SPTLC1: variants seen among roughly 807,000 people sequenced by gnomAD.
The protein encoded by SPTLC1 is serine palmitoyltransferase long chain base subunit 1.
A neutral mutation model predicts 68.9 loss-of-function variants in SPTLC1; 55 were observed. The observed-to-expected ratio is 0.80, with a 90% CI of 0.64 to 1.00. The LOEUF (loss-of-function observed/expected upper bound fraction) is 1.00. SPTLC1 is among the 50% of genes least tolerant of loss of function. SPTLC1 has a pLI of 0.00. For missense variants in SPTLC1, 449 were observed against 573.1 expected (o/e 0.78, Z 2.21); for synonymous variants, 197 against 201.6 (o/e 0.98, Z 0.19).
At position 92,032,082 on chromosome 9, in the gene SPTLC1, G is replaced by GAA. The variant is rs1467092335; in HGVS notation, c.*382_*383insTT. 1 of 556,054 alleles carries GAA rather than the reference G, an allele frequency of 1.8e-6. No individual in the cohort carries two copies. Among genetic ancestry groups the GAA allele is most frequent in the Non-Finnish European group, 3.1e-6 (1 of 319,108 alleles). 34.4% of individuals were successfully genotyped at this position (556,054 alleles called of 1,614,324 possible). A position where few individuals can be genotyped will look rare whatever the true frequency, so the allele number is the denominator to read the frequency against. ...TTTCTATGAAATACTAAGGAGTTAA[G>GAA]GAGTGCTTACTGAACCATTACTATT... is the stretch of plus-strand genomic sequence containing the variant. On this transcript the variant is annotated 3_prime_UTR_variant, in exon 15 of 15. Transcript: ENST00000262554.
chr9:92,093,825 A>G (rs1307426293), intron 3 of SPTLC1, among the ~76,000 whole-genome samples: 1 of 152,226 alleles, frequency 6.6e-6, no homozygotes, highest in African/African-American at 2.4e-5. Flanking sequence ...CTGAATTTAG[A>G]AACCGGGAGG....
At position 92,031,963 on chromosome 9, in the gene SPTLC1, AAG is replaced by A. The variant is rs1422717277; in HGVS notation, c.*500_*501del. 1.1e-5 allele frequency: 3 copies of A among 264,034 alleles called. No individual in the cohort carries two copies. The highest frequency in any genetic ancestry group is 2.1e-5 in the Non-Finnish European group (3 of 140,166). 16.4% of individuals were successfully genotyped at this position (264,034 alleles called of 1,614,324 possible). ...AGCCACCATTTAGCTTCACACAACGAAGACTGGAAAATACGTGGTTTATTTAG... is the reference window on the plus strand; with the variant it reads ...AGCCACCATTTAGCTTCACACAACGAACTGGAAAATACGTGGTTTATTTAG... On this transcript the variant is annotated 3_prime_UTR_variant, in exon 15 of 15. Transcript: ENST00000262554.
At chr9:92,074,629 G>T (rs1834613418) in intron 5 of SPTLC1, among the ~76,000 whole-genome samples, 2 of 151,852 alleles carry the variant, frequency 1.3e-5, no homozygotes, top group Non-Finnish European at 1.5e-5. Flanking sequence ...AGACTTTAAG[G>T]GGCCTAAAGC....
chr9:92,107,647 G>T (rs1490514162), intron 3 of SPTLC1, among the ~76,000 whole-genome samples: 1 of 152,180 alleles, frequency 6.6e-6, no homozygotes, highest in Non-Finnish European at 1.5e-5. Flanking sequence ...AGCTCCTCGG[G>T]AGGCTGAGGC....
chr9:92,097,795 T>C (rs2118770859), intron 3 of SPTLC1, among the ~76,000 whole-genome samples: 1 of 152,304 alleles, frequency 6.6e-6, no homozygotes, highest in Admixed American at 6.5e-5. Context: ...ATTATACACT[T>C]CAAAATGACA....
intron 3 of SPTLC1, among the ~76,000 whole-genome samples, chr9:92,091,495 G>C (rs1835360458): frequency 6.6e-6 from 1 of 152,150 alleles, no homozygotes; most frequent in African/African-American, 2.4e-5. Flanking sequence ...TGCTGCATGG[G>C]GTAAAGGAAA....
Position 92,047,288 on chromosome 9 carries a change from G to C in SPTLC1, c.985-20C>G. 6.3e-7 allele frequency: 1 copy of C among 1,595,190 alleles called. No homozygotes were observed. Among genetic ancestry groups the C allele is most frequent in the East Asian group, 2.2e-5 (1 of 44,758 alleles). On this transcript the variant is annotated intron_variant, in intron 10 of 14. Transcript: ENST00000262554. ...AAGTCGCTGAGAAGAAACAAATGAA[G>C]ACATATACACATTCTCTGTCCTTTC...
chr9:92,086,559 T>G (rs1016574193), intron 3 of SPTLC1, among the ~76,000 whole-genome samples: 3 of 152,242 alleles, frequency 2.0e-5, no homozygotes, highest in African/African-American at 7.2e-5. Context: ...TTAAGAATGT[T>G]GAATATTGGT....
chr9:92,043,303 C>T (rs1459618323), intron 12 of SPTLC1, among the ~76,000 whole-genome samples: 5 of 152,176 alleles, frequency 3.3e-5, no homozygotes, highest in African/African-American at 1.2e-4. Context: ...CACTCTTTCT[C>T]AGACTAGTCT....
At chr9:92,059,437 T>C in intron 6 of SPTLC1, 129 bp from the exon 7 acceptor site, 1 of 941,494 alleles carries the variant, frequency 1.1e-6, no homozygotes, top group South Asian at 1.4e-5. Context: ...AAATAAAACA[T>C]GTTTGAATAT....
intron 1 of SPTLC1, among the ~76,000 whole-genome samples, chr9:92,114,507 G>A (rs1322076790): frequency 5.3e-5 from 8 of 152,036 alleles, no homozygotes; most frequent in African/African-American, 1.9e-4. Context: ...AGGCCAAGGC[G>A]GGCGGATCAC....
intron 5 of SPTLC1, among the ~76,000 whole-genome samples, chr9:92,076,376 A>T (rs1411221643): frequency 6.6e-6 from 1 of 152,160 alleles, no homozygotes; most frequent in Non-Finnish European, 1.5e-5. Context: ...AAGAAACAGC[A>T]AACTCCCCAG....
At chr9:92,046,103 C>T in intron 11 of SPTLC1, 50 bp from the exon 12 acceptor site, 1 of 1,460,806 alleles carries the variant, frequency 6.8e-7, no homozygotes, top group Non-Finnish European at 9.5e-7. Flanking sequence ...TATGATAGTA[C>T]TAACCTAAAA....
chr9:92,074,068 C>T (rs536203853), intron 5 of SPTLC1, among the ~76,000 whole-genome samples: 2 of 152,180 alleles, frequency 1.3e-5, no homozygotes, highest in East Asian at 3.9e-4. Flanking sequence ...CAGATCTCCT[C>T]GGCTTGGCGG....
At chr9:92,043,654 C>A (rs964753667) in intron 12 of SPTLC1, among the ~76,000 whole-genome samples, 1 of 152,194 alleles carries the variant, frequency 6.6e-6, no homozygotes, top group Non-Finnish European at 1.5e-5. Flanking sequence ...TCAGAAGATA[C>A]CCAGAATCCA....
At chr9:92,051,692 G>A (rs1175627240) in intron 8 of SPTLC1, among the ~76,000 whole-genome samples, 1 of 152,194 alleles carries the variant, frequency 6.6e-6, no homozygotes, top group African/African-American at 2.4e-5. Context: ...TCTATTCACA[G>A]ATGGTGTAAT....
At chr9:92,055,564 C>T in intron 7 of SPTLC1, 70 bp from the exon 8 acceptor site, 3 of 1,434,668 alleles carry the variant, frequency 2.1e-6, no homozygotes, top group Non-Finnish European at 2.9e-6. Flanking sequence ...ACATATTCCC[C>T]AGCACTTTCA....
chr9:92,086,939 T>C (rs947968152), intron 3 of SPTLC1, among the ~76,000 whole-genome samples: 1 of 151,968 alleles, frequency 6.6e-6, no homozygotes, highest in African/African-American at 2.4e-5. Context: ...GCTTTGTTTG[T>C]TTCTTTTTAT....
At chr9:92,060,070 G>C (rs905972639) in intron 6 of SPTLC1, among the ~76,000 whole-genome samples, 15 of 152,218 alleles carry the variant, frequency 9.9e-5, no homozygotes, top group Middle Eastern at 6.8e-3. Context: ...TGGAGAGTCA[G>C]GACTATTAGC....
Sources: allele counts gnomAD v4.1 joint callset (sites outside exome capture counted in the v4.1 genomes callset), GRCh38; gene constraint gnomAD v4.1.1; transcripts MANE v1.5; gene names NCBI Gene and HGNC (gene_info 2026-07-23, HGNC 2026-07-21).